Variants in RNF170 observed in about 807,000 individuals in gnomAD.
RNF170 encodes E3 ubiquitin-protein ligase RNF170.
A neutral mutation model predicts 32.7 loss-of-function variants in RNF170; 12 were observed. That is an observed-to-expected ratio of 0.37 (90% CI 0.24 to 0.60). RNF170 has a LOEUF of 0.60. Among genes scored for constraint, RNF170 ranks in the 20% least tolerant of loss-of-function variants. The pLI is 0.72. For missense variants in RNF170, 212 were observed against 311.2 expected, an observed-to-expected ratio of 0.68 and a Z score of 2.40; for synonymous variants, 91 against 103.6, an observed-to-expected ratio of 0.88 and a Z score of 0.74.
intron 2 of RNF170, among the ~76,000 whole-genome samples, chr8:42,874,293 T>G (rs937334968): frequency 6.6e-6 from 1 of 152,196 alleles, no homozygotes; most frequent in African/African-American, 2.4e-5. Context: ...TAAAGAACAT[T>G]TGTTTCTTTG....
chr8:42,851,825 G>A (rs1000674149), downstream of RNF170, among the ~76,000 whole-genome samples: 3 of 152,100 alleles, frequency 2.0e-5, no homozygotes, highest in Non-Finnish European at 4.4e-5. Flanking sequence ...AGAGACGGGG[G>A]TCTCACTATG....
At chr8:42,883,010 A>G (rs141074557) in intron 2 of RNF170, among the ~76,000 whole-genome samples, 2 of 152,024 alleles carry the variant, frequency 1.3e-5, no homozygotes, top group African/African-American at 4.8e-5. Flanking sequence ...TTGCAGTGAG[A>G]CAAGATGGTG....
At chr8:42,875,851 T>C (rs953362489) in intron 2 of RNF170, among the ~76,000 whole-genome samples, 1 of 152,214 alleles carries the variant, frequency 6.6e-6, no homozygotes, top group South Asian at 2.1e-4. Flanking sequence ...TGGAGATTAC[T>C]GGCGTGAGCC....
chr8:42,883,438 G>A lies in RNF170; in HGVS notation c.137+4290C>T, dbSNP rs111843500. ...GTCTGAATTAGCCAGGCATGGTGGC[G>A]CGTGCCTGTAGTCCCAGCTACTCAG... On this transcript the variant is annotated intron_variant, in intron 2 of 6. Transcript: ENST00000527424. Among the ~76,000 whole-genome samples, 632 of 152,086 alleles carry A rather than the reference G, an allele frequency of 4.2e-3. 3 individuals are homozygous for A. Among genetic ancestry groups the A allele is most frequent in the South Asian group, 6.4e-3 (31 of 4,816 alleles).
chr8:42,869,813 A>G (rs994166351), intron 4 of RNF170, among the ~76,000 whole-genome samples, 191 bp downstream of exon 4: 5 of 152,168 alleles, frequency 3.3e-5, no homozygotes, highest in Non-Finnish European at 7.3e-5. Context: ...TAAATAGAAA[A>G]TAAATAAGTA....
Position 42,871,614 on chromosome 8 carries a change from C to T in RNF170, c.214-1502G>A, listed in dbSNP as rs552371633. ...TGAGACAGAGTCTCGCTCTGTCACCCAGGCTGGAGTGCAGTGGCACAATCT... is the reference window on the plus strand; with the variant it reads ...TGAGACAGAGTCTCGCTCTGTCACCTAGGCTGGAGTGCAGTGGCACAATCT... On this transcript the variant is annotated intron_variant, in intron 3 of 6. Transcript: ENST00000527424. 1.4e-4 allele frequency among the ~76,000 whole-genome samples: 21 copies of T among 152,070 alleles called. 1 individual carries two copies. The South Asian group carries it at 4.1e-3, about 30-fold the overall frequency.
intron 1 of RNF170, among the ~76,000 whole-genome samples, chr8:42,890,257 ATTC>A (rs988790289): frequency 6.7e-6 from 1 of 149,056 alleles, no homozygotes; most frequent in Non-Finnish European, 1.5e-5. Context: ...ATGTGATTAT[ATTC>A]TTTTTTTTTT....
chr8:42,867,568 G>A (rs1176255893), intron 4 of RNF170, among the ~76,000 whole-genome samples: 3 of 150,452 alleles, frequency 2.0e-5, no homozygotes, highest in South Asian at 4.2e-4. Flanking sequence ...GAGGTCAGGA[G>A]ATCAAGACCA....
chr8:42,874,437 T>C (rs1804757437), intron 2 of RNF170, among the ~76,000 whole-genome samples: 1 of 152,116 alleles, frequency 6.6e-6, no homozygotes, highest in Non-Finnish European at 1.5e-5. Context: ...AAACTAAATT[T>C]AATGTAGAAA....
downstream of RNF170, chr8:42,850,632 G>C (rs1195538445): frequency 2.4e-6 from 2 of 829,332 alleles, no homozygotes; most frequent in Admixed American, 2.3e-5. Flanking sequence ...GTTCTAGTGA[G>C]AAGCAGACAG....
chr8:42,896,869 TGGGCGGCCGG>T (rs1180117914), upstream of RNF170: 2 of 306,388 alleles, frequency 6.5e-6, no homozygotes, highest in African/African-American at 4.5e-5. Flanking sequence ...AGGAGCGGTG[TGGGCGGCCGG>T]GGGCGGGGAC....
chr8:42,869,201 C>T (rs918844154), intron 4 of RNF170, among the ~76,000 whole-genome samples: 2 of 152,184 alleles, frequency 1.3e-5, no homozygotes, highest in African/African-American at 2.4e-5. Context: ...TGAGCCACAG[C>T]GCCTGGCCTC....
In RNF170 at chr8:42,854,812, G is replaced by A. The variant is rs182386498; in HGVS notation, c.*1347C>T. 1.6e-6 allele frequency: 2 copies of A among 1,287,278 alleles called. No individual in the cohort carries two copies. The highest frequency in any genetic ancestry group is 2.3e-5 in the Admixed American group (1 of 43,552). The allele number at this position is 1,287,278 out of a possible 1,614,324, so 79.7% of individuals were successfully genotyped here. On this transcript the variant is annotated 3_prime_UTR_variant, in exon 7 of 7. Coordinates refer to ENST00000527424, the MANE Select transcript of RNF170 (RefSeq NM_030954.4). ...TCACTAATGAGCAACGCCAGCTGAA[G>A]TGAGTAAGATCTCCCAGTACCATGT...
chr8:42,869,376 A>G (rs1451628582), intron 4 of RNF170, among the ~76,000 whole-genome samples: 1 of 152,164 alleles, frequency 6.6e-6, no homozygotes. Flanking sequence ...CAGATTCAGG[A>G]AAAATAAGTG....
At chr8:42,866,419 T>C (rs1207915746) in intron 4 of RNF170, among the ~76,000 whole-genome samples, 1 of 151,576 alleles carries the variant, frequency 6.6e-6, no homozygotes, top group East Asian at 1.9e-4. Context: ...TGGGTGCTAC[T>C]TGGGAGGCTA....
chr8:42,852,623 G>A (rs1021460848), downstream of RNF170, among the ~76,000 whole-genome samples: 4 of 151,898 alleles, frequency 2.6e-5, no homozygotes, highest in Non-Finnish European at 5.9e-5. Flanking sequence ...CACTATGTTG[G>A]CCAGGCTGGT....
intron 3 of RNF170, 26 bp downstream of exon 3, chr8:42,873,905 T>C: frequency 7.9e-7 from 1 of 1,272,194 alleles, no homozygotes; most frequent in Non-Finnish European, 1.2e-6. Flanking sequence ...TCACATCTAC[T>C]CCTCAAATAA....
At chr8:42,881,556 T>TA (rs760715332) in intron 2 of RNF170, 1 of 152,166 alleles carries the variant, frequency 6.6e-6, no homozygotes, top group Non-Finnish European at 1.5e-5. Flanking sequence ...CATAGAATAC[T>TA]ACGCACCCAT....
At chr8:42,883,322 G>T (rs1311545668) in intron 2 of RNF170, among the ~76,000 whole-genome samples, 1 of 152,062 alleles carries the variant, frequency 6.6e-6, no homozygotes, top group Non-Finnish European at 1.5e-5. Context: ...TAAAGTTTGG[G>T]ATGATGAGGA....
Sources: gnomAD v4.1 joint callset for allele counts (sites outside exome capture counted in the v4.1 genomes callset) on GRCh38, gnomAD v4.1.1 for gene constraint, MANE v1.5 for transcripts, NCBI Gene and HGNC (gene_info 2026-07-23, HGNC 2026-07-21) for gene names.